The following ASH1L variants were observed in gnomAD, a reference collection of about 807,000 sequenced individuals.
ASH1L encodes the protein ASH1 like histone lysine methyltransferase, also known as histone-lysine N-methyltransferase ASH1L.
In ASH1L, 23 loss-of-function variants were observed where a neutral mutation model predicts 269.0. The ratio of observed to expected loss-of-function variants is 0.09; its 90% confidence interval spans 0.06 to 0.12. ASH1L has a LOEUF of 0.12. ASH1L is among the 10% of genes least tolerant of loss of function. The pLI is 1.00. For synonymous variants in ASH1L, 1,187 were observed against 1,253.5 expected, an observed-to-expected ratio of 0.95 and a Z score of 1.12; for missense variants, 2,912 against 3,567.8, an observed-to-expected ratio of 0.82 and a Z score of 4.68.
chr1:155,449,512 A>C (rs1663306154), intron 4 of ASH1L, among the ~76,000 whole-genome samples: 1 of 151,850 alleles, frequency 6.6e-6, no homozygotes, highest in African/African-American at 2.4e-5. Flanking sequence ...AATATGAGAA[A>C]AATGTGGTTG....
chr1:155,404,845 C>A (rs1031115656), intron 6 of ASH1L, among the ~76,000 whole-genome samples: 1 of 151,186 alleles, frequency 6.6e-6, no homozygotes, highest in African/African-American at 2.4e-5. Context: ...CTGGCCAACA[C>A]GGTGAAACTC....
chr1:155,548,406 C>T (rs1670975592), intron 1 of ASH1L, among the ~76,000 whole-genome samples: 1 of 152,090 alleles, frequency 6.6e-6, no homozygotes, highest in South Asian at 2.1e-4. Context: ...GCCTGTACTC[C>T]CAGCTACTCG....
rs1558106533 is a variant in ASH1L, at chr1:155,438,870, G to A, written c.5285C>T (p.Pro1762Leu). 1.1e-5 allele frequency: 18 copies of A among 1,614,166 alleles called. No individual in the cohort carries two copies. The highest frequency in any genetic ancestry group is 1.4e-5 in the Non-Finnish European group (17 of 1,180,040). Residue 1762 changes from proline to leucine, a missense_variant, in exon 5 of 28, where the codon CCA (proline) becomes CTA (leucine). By Grantham distance (98) the Pro-to-Leu change is moderately conservative. Coordinates refer to ENST00000392403, the MANE Select transcript of ASH1L (RefSeq NM_018489.3). ...GACTGCAGGCACTAAAAGGCTGTCT[G>A]GTTTTCCCAGGGTTCGGTCCTTGCT... is the stretch of plus-strand genomic sequence containing the variant. ...SHSKDRTLGKPDSLLVPAVTS... is the reference protein window; with the variant it reads ...SHSKDRTLGKLDSLLVPAVTS...
At position 155,438,739 on chromosome 1, in the gene ASH1L, G is replaced by C. The variant is rs753698911; in HGVS notation, c.5416C>G (p.Gln1806Glu). Reference sequence around the variant, plus strand: ...TCGTAATTGCACATTTTCCGAGCTTGGCGTTGCATAGCTTCCACTACACTT... The same window carrying C: ...TCGTAATTGCACATTTTCCGAGCTTCGCGTTGCATAGCTTCCACTACACTT... ...KRSVVEAMQR[Q>E]ARKMCNYDKI... Residue 1806 changes from glutamine (Q) to glutamate (E), a missense_variant, in exon 5 of 28, where the codon CAA becomes GAA. Physicochemically the swap from Gln to Glu is conservative, Grantham distance 29. Coordinates refer to ENST00000392403, the MANE Select transcript of ASH1L (RefSeq NM_018489.3). 8.1e-6 allele frequency: 13 copies of C among 1,613,932 alleles called. No homozygotes were observed. Among genetic ancestry groups the C allele is most frequent in the Middle Eastern group, 1.6e-4 (1 of 6,084 alleles).
intron 1 of ASH1L, among the ~76,000 whole-genome samples, chr1:155,551,486 C>A (rs1477143517): frequency 6.6e-6 from 1 of 150,730 alleles, no homozygotes; most frequent in Non-Finnish European, 1.5e-5. Flanking sequence ...CGGTGAAACC[C>A]CGTCTCTACT....
chr1:155,501,603 G>A (rs747433423), intron 2 of ASH1L, among the ~76,000 whole-genome samples: 2 of 152,108 alleles, frequency 1.3e-5, no homozygotes, highest in African/African-American at 2.4e-5. Flanking sequence ...ACTCCTGACC[G>A]CGGGTGATCT....
At chr1:155,538,641 CTTTTTTTTT>C (rs35340905) in intron 1 of ASH1L, among the ~76,000 whole-genome samples, 1 of 107,966 alleles carries the variant, frequency 9.3e-6, no homozygotes, top group Non-Finnish European at 1.8e-5. Flanking sequence ...TGTACCCAGC[CTTTTTTTTT>C]TTTTTTTTTT....
chr1:155,480,125 G>A lies in ASH1L; in HGVS notation c.2745C>T (p.Ala915=), dbSNP rs1217434953. 2 of 1,613,924 alleles carry A rather than the reference G, an allele frequency of 1.2e-6. No homozygotes were observed. The highest frequency in any genetic ancestry group is 1.3e-5 in the African/African-American group (1 of 74,904). The stretch of plus-strand genomic sequence containing the variant: ...ATTCTAGCTTGCTTGGACTTTCAGT[G>A]GCAACAAATGGAGCCACTGACAGTA... The part of the protein sequence containing the change: ...PPVLSVAPFV[A]TESPSKLESE... The change falls in exon 3 of 28, where the codon GCC becomes GCT. Residue 915 remains alanine (A), a synonymous_variant. Transcript: ENST00000392403.
chr1:155,383,281 A>G (rs939962473), intron 7 of ASH1L, among the ~76,000 whole-genome samples: 1 of 152,200 alleles, frequency 6.6e-6, no homozygotes, highest in Admixed American at 6.5e-5. Flanking sequence ...TGTTTATAAA[A>G]TCTACAGTAG....
intron 3 of ASH1L, among the ~76,000 whole-genome samples, chr1:155,475,254 A>C (rs1200023623): frequency 6.6e-6 from 1 of 152,010 alleles, no homozygotes; most frequent in Non-Finnish European, 1.5e-5. Context: ...CTCCTGCCTC[A>C]GCCTCCCAAG....
intron 6 of ASH1L, among the ~76,000 whole-genome samples, chr1:155,410,157 C>A (rs1659651952): frequency 1.3e-5 from 2 of 151,520 alleles, no homozygotes; most frequent in African/African-American, 4.9e-5. Context: ...TCAAAAAAAA[C>A]GCTTTGTCAC....
chr1:155,485,847 A>C (rs182554542), intron 2 of ASH1L, among the ~76,000 whole-genome samples: 59 of 152,304 alleles, frequency 3.9e-4, no homozygotes, highest in African/African-American at 1.4e-3. Context: ...AATATTAGAC[A>C]AGAAATATAA....
chr1:155,548,378 C>T (rs1476776127), intron 1 of ASH1L, among the ~76,000 whole-genome samples: 2 of 152,158 alleles, frequency 1.3e-5, no homozygotes, highest in East Asian at 1.9e-4. Context: ...AAAAATTAGC[C>T]GGGCGTGTTT....
At chr1:155,375,912 T>C (rs1478743876) in intron 10 of ASH1L, among the ~76,000 whole-genome samples, 1 of 152,040 alleles carries the variant, frequency 6.6e-6, no homozygotes, top group Non-Finnish European at 1.5e-5. Flanking sequence ...CGGCTAAGTA[T>C]CGAGATCCCG....
At chr1:155,445,607 T>C (rs1662948775) in intron 4 of ASH1L, among the ~76,000 whole-genome samples, 1 of 152,124 alleles carries the variant, frequency 6.6e-6, no homozygotes, top group Non-Finnish European at 1.5e-5. Flanking sequence ...TGCGATTATG[T>C]GTGAGCCACC....
chr1:155,498,768 T>C (rs900618410), intron 2 of ASH1L, among the ~76,000 whole-genome samples: 2 of 152,102 alleles, frequency 1.3e-5, no homozygotes, highest in African/African-American at 4.8e-5. Context: ...AAATGTTTTG[T>C]AGAGACAGGG....
chr1:155,532,838 AT>A (rs1669765778), intron 1 of ASH1L, among the ~76,000 whole-genome samples: 1 of 148,348 alleles, frequency 6.7e-6, no homozygotes, highest in Non-Finnish European at 1.5e-5. Context: ...AAAAAAAAAA[AT>A]TATATATATA....
chr1:155,520,358 T>TCAAAAAAA (rs1668797989), intron 2 of ASH1L: 1 of 31,670 alleles, frequency 3.2e-5, no homozygotes, highest in Non-Finnish European at 5.4e-5. Flanking sequence ...AGACTCCATC[T>TCAAAAAAA]CAAAAAAAAA....
chr1:155,548,517 C>T (rs974716476), intron 1 of ASH1L, among the ~76,000 whole-genome samples: 1 of 152,056 alleles, frequency 6.6e-6, no homozygotes, highest in African/African-American at 2.4e-5. Context: ...AGCCAGACTC[C>T]GTATCAAACA....
Sources: allele counts gnomAD v4.1 joint callset (sites outside exome capture counted in the v4.1 genomes callset), GRCh38; gene constraint gnomAD v4.1.1; transcripts MANE v1.5; gene names NCBI Gene and HGNC (gene_info 2026-07-23, HGNC 2026-07-21).